Variants in NPAS2 observed in about 807,000 individuals in gnomAD.
NPAS2 encodes the protein neuronal PAS domain protein 2.
In NPAS2, 23 loss-of-function variants were observed where a neutral mutation model predicts 107.5. The ratio of observed to expected loss-of-function variants is 0.21; its 90% CI spans 0.15 to 0.30. The LOEUF (loss-of-function observed/expected upper bound fraction) is 0.30. Among genes scored for constraint, NPAS2 ranks in the 10% least tolerant of loss-of-function variants. The pLI, the probability that NPAS2 is intolerant of heterozygous loss-of-function variation, is 1.00. For synonymous variants in NPAS2, 403 were observed against 417.5 expected (o/e 0.97, Z 0.42); for missense variants, 756 against 1,043.3 (o/e 0.72, Z 3.79).
intron 1 of NPAS2, among the ~76,000 whole-genome samples, chr2:100,871,282 T>C (rs947252161): frequency 1.1e-4 from 16 of 152,098 alleles, no homozygotes; most frequent in African/African-American, 3.6e-4. Flanking sequence ...AGCCTGGCTT[T>C]AAGGTCCTGA....
chr2:100,959,453 C>T (rs938745854), intron 7 of NPAS2, among the ~76,000 whole-genome samples: 12 of 152,166 alleles, frequency 7.9e-5, no homozygotes, highest in Non-Finnish European at 1.6e-4. Context: ...TCACGGTGCT[C>T]TCCTAGGAAC....
At chr2:100,992,345 C>T (rs1169786184) in intron 19 of NPAS2, among the ~76,000 whole-genome samples, 2 of 152,172 alleles carry the variant, frequency 1.3e-5, no homozygotes, top group African/African-American at 2.4e-5. Flanking sequence ...AACTTCAGTG[C>T]TCTGTTGGTG....
Position 100,968,176 on chromosome 2 carries a change from G to T in NPAS2, c.908-105G>T, listed in dbSNP as rs1676341749. The T allele has an allele frequency of 1.6e-6, 2 of 1,212,224 alleles. No homozygotes were observed. Among genetic ancestry groups the T allele is most frequent in the Non-Finnish European group, 2.4e-6 (2 of 844,166 alleles). 75.1% of individuals were successfully genotyped at this position (1,212,224 alleles called of 1,614,324 possible). ...GCAACCGGGGAAACAAGCCATGTTT[G>T]GTATTGTCTTTTTTTTTGAAAGCTT... On this transcript the variant is annotated intron_variant, in intron 10 of 20. Transcript: ENST00000335681. The surrounding 1 kb of genome is among the most constrained non-coding windows in gnomAD (Gnocchi z 5.3).
chr2:100,927,185 C>G (rs906844557), intron 3 of NPAS2, among the ~76,000 whole-genome samples: 1 of 152,040 alleles, frequency 6.6e-6, no homozygotes, highest in Non-Finnish European at 1.5e-5. Flanking sequence ...TCACCCGCCC[C>G]GGCCTCCCAA....
At chr2:100,915,370 G>A (rs1573611663) in intron 2 of NPAS2, among the ~76,000 whole-genome samples, 1 of 152,308 alleles carries the variant, frequency 6.6e-6, no homozygotes, top group African/African-American at 2.4e-5. Flanking sequence ...CAACGGAACA[G>A]AAAGGGAGCC....
chr2:100,834,128 G>GTGGCTCAGTGCTTCTCTTTCTCTGA lies in NPAS2; in HGVS notation c.-23+13717_-23+13741dup, dbSNP rs1317738441. Among the ~76,000 whole-genome samples, 57 of 152,274 alleles carry GTGGCTCAGTGCTTCTCTTTCTCTGA rather than the reference G, an allele frequency of 3.7e-4. No homozygotes were observed. In the East Asian group the frequency reaches 6.2e-3, roughly 17 times the overall value. On this transcript the variant is annotated intron_variant, in intron 1 of 20. Transcript: ENST00000335681. The stretch of plus-strand genomic sequence containing the variant: ...GAACAGACCAGCCGACCCCTTCCTG[G>GTGGCTCAGTGCTTCTCTTTCTCTGA]TGGCTCAGTGCTTCTCTTTCTCTGA...
At chr2:100,901,916 G>A (rs980617055) in intron 1 of NPAS2, among the ~76,000 whole-genome samples, 1 of 152,046 alleles carries the variant, frequency 6.6e-6, no homozygotes, top group African/African-American at 2.4e-5. Flanking sequence ...CGCCACGTAG[G>A]ACACATGGTT....
rs940815728 is a variant in NPAS2, at chr2:100,904,743, A to G, written c.-12A>G. The stretch of plus-strand genomic sequence containing the variant: ...TTTTTTTTTTTGCAGGAAAAACTGC[A>G]TAGAAAATCTAATGGATGAAGATGA... On this transcript the variant is annotated 5_prime_UTR_variant, in exon 2 of 21. Coordinates refer to ENST00000335681, the MANE Select transcript of NPAS2 (RefSeq NM_002518.4). 6.3e-7 allele frequency: 1 copy of G among 1,590,694 alleles called. No homozygotes were observed. Among genetic ancestry groups the G allele is most frequent in the South Asian group, 1.1e-5 (1 of 88,120 alleles).
intron 1 of NPAS2, among the ~76,000 whole-genome samples, chr2:100,840,970 A>G (rs1260870930): frequency 6.6e-6 from 1 of 152,094 alleles, no homozygotes; most frequent in East Asian, 1.9e-4. Context: ...TGGCTGTGCA[A>G]CTTAGGAAAG....
At chr2:100,840,503 T>C (rs773554672) in intron 1 of NPAS2, among the ~76,000 whole-genome samples, 1 of 152,138 alleles carries the variant, frequency 6.6e-6, no homozygotes, top group African/African-American at 2.4e-5. Context: ...ACCATTTTAT[T>C]AAATCCACTG....
At chr2:100,845,481 G>C (rs1039328512) in intron 1 of NPAS2, among the ~76,000 whole-genome samples, 102 of 152,158 alleles carry the variant, frequency 6.7e-4, no homozygotes, top group African/African-American at 2.4e-3. Flanking sequence ...ACAAACAACA[G>C]ACCCAGCACA....
At chr2:100,993,752 T>TCCA (rs1036532286) in intron 20 of NPAS2, 9 of 421,954 alleles carry the variant, frequency 2.1e-5, no homozygotes, top group African/African-American at 1.8e-4. Context: ...TTATGCCTTA[T>TCCA]GTGGTTATGT....
At chr2:100,988,893 C>A in intron 17 of NPAS2, 1 of 263,206 alleles carries the variant, frequency 3.8e-6, no homozygotes, top group Non-Finnish European at 7.2e-6. Context: ...GCCCCCTGCC[C>A]CTCCAGGCCC....
At chr2:100,938,798 G>C (rs545087433) in intron 5 of NPAS2, among the ~76,000 whole-genome samples, 1 of 152,092 alleles carries the variant, frequency 6.6e-6, no homozygotes, top group Admixed American at 6.5e-5. Flanking sequence ...CATTGTGAAT[G>C]ACAGCTGTAC....
chr2:100,870,024 C>T (rs1679482841), intron 1 of NPAS2, among the ~76,000 whole-genome samples: 1 of 151,598 alleles, frequency 6.6e-6, no homozygotes, highest in Admixed American at 6.6e-5. Flanking sequence ...CCTGCCTCAG[C>T]CTTCTGAGTA....
At position 100,896,246 on chromosome 2, in the gene NPAS2, C is replaced by T. The variant is rs149172789; in HGVS notation, c.-22-8487C>T. On this transcript the variant is annotated intron_variant, in intron 1 of 20. Coordinates refer to ENST00000335681, the MANE Select transcript of NPAS2 (RefSeq NM_002518.4). ...AACGGGCTCATGAGGTTTAAGGGGC[C>T]TACTCAAGATCATAGAGCAAGTAGG... is the stretch of plus-strand genomic sequence containing the variant. Among the ~76,000 whole-genome samples, 116 of 152,272 alleles carry T rather than the reference C, an allele frequency of 7.6e-4. 2 individuals are homozygous for T. The East Asian group carries it at 0.019, about 25-fold the overall frequency.
rs774604595 is a variant in NPAS2 at position 100,964,055 on chromosome 2, C to A, written c.599-3C>A. 2.5e-6 allele frequency: 4 copies of A among 1,601,934 alleles called. No homozygotes were observed. The South Asian group carries it at 3.3e-5, about 13-fold the overall frequency. On this transcript the variant is annotated splice_polypyrimidine_tract_variant and splice_region_variant and intron_variant, in intron 7 of 20. Coordinates refer to ENST00000335681, the MANE Select transcript of NPAS2 (RefSeq NM_002518.4). ...ATGTGTCCTCTTCTTCCCAACCCCC[C>A]AGTGCCTAGCCCCTCCTGTAATGGT...
intron 2 of NPAS2, among the ~76,000 whole-genome samples, chr2:100,906,325 C>T (rs1361627478): frequency 6.6e-6 from 1 of 152,124 alleles, no homozygotes; most frequent in Non-Finnish European, 1.5e-5. Flanking sequence ...TTTTGGTTTC[C>T]TCCAGCATAG....
In NPAS2 at chr2:100,982,374, C is replaced by G; in HGVS notation, c.1626C>G (p.Val542=). The G allele has an allele frequency of 6.2e-7, 1 of 1,613,916 alleles. No individual in the cohort carries two copies. The highest frequency in any genetic ancestry group is 8.5e-7 in the Non-Finnish European group (1 of 1,180,002). ...EQLCLVQDSN[V]QMFLQQPAVS... is the part of the protein sequence containing the mutation. ...TCTGCCTGGTCCAGGACTCCAACGT[C>G]CAGGTGATCCCCTTCCCGGGCTGGC... The change falls in exon 16 of 21, where the codon GTC becomes GTG. Residue 542 remains valine, a synonymous_variant. Transcript: ENST00000335681.
Sources: allele counts gnomAD v4.1 joint callset (sites outside exome capture counted in the v4.1 genomes callset), GRCh38; gene constraint gnomAD v4.1.1; non-coding constraint Gnocchi (gnomAD v3.1); transcripts MANE v1.5; gene names NCBI Gene and HGNC (gene_info 2026-07-23, HGNC 2026-07-21).